The following VPS37A variants were observed in gnomAD, a reference collection of about 807,000 sequenced individuals.
VPS37A encodes the protein VPS37A subunit of ESCRT-I.
A neutral mutation model predicts 49.8 loss-of-function variants in VPS37A; 30 were observed. The ratio of observed to expected loss-of-function variants is 0.60; its 90% CI spans 0.45 to 0.82. The LOEUF is 0.82. Among genes scored for constraint, VPS37A ranks in the 40% least tolerant of loss-of-function variants. The pLI, the probability that VPS37A is intolerant of heterozygous loss-of-function variation, is 0.00. For missense variants in VPS37A, 593 were observed against 464.4 expected (o/e 1.28, Z -2.55); for synonymous variants, 195 against 160.6 (o/e 1.21, Z -1.62).
At chr8:17,331,932 T>C in the VPS37A span, among the ~76,000 whole-genome samples, 1 of 152,210 alleles carries the variant, frequency 6.6e-6, no homozygotes, top group African/African-American at 2.4e-5. Context: ...ATTTTGCATA[T>C]GAGAAGTTGG....
chr8:17,302,709 C>CT (rs1817201231), downstream of VPS37A, among the ~76,000 whole-genome samples: 1 of 61,454 alleles, frequency 1.6e-5, no homozygotes, highest in Non-Finnish European at 5.2e-5. Context: ...AATAACCCCC[C>CT]CCCCCCCGCT....
chr8:17,287,305 C>G (rs1490941495), intron 11 of VPS37A, among the ~76,000 whole-genome samples: 1 of 152,060 alleles, frequency 6.6e-6, no homozygotes, highest in Non-Finnish European at 1.5e-5. Context: ...ACTCAGTGAC[C>G]AAAACAGCTC....
intron 9 of VPS37A, among the ~76,000 whole-genome samples, chr8:17,281,412 T>C (rs1286834487): frequency 1.3e-5 from 2 of 152,050 alleles, no homozygotes. Context: ...GTTAGATATA[T>C]ACTGGACCTT....
chr8:17,300,809 ACTT>A (rs2150456853), downstream of VPS37A, among the ~76,000 whole-genome samples: 1 of 152,296 alleles, frequency 6.6e-6, no homozygotes, highest in South Asian at 2.1e-4. Context: ...CTACTGATCA[ACTT>A]CTATCTCTAT....
chr8:17,247,662 C>G (rs1465055934), intron 1 of VPS37A: 1 of 703,814 alleles, frequency 1.4e-6, no homozygotes. Context: ...TAGTCTATTT[C>G]CAGTATCCCT....
chr8:17,285,924 G>T (rs1311628138), intron 10 of VPS37A, among the ~76,000 whole-genome samples: 3 of 151,928 alleles, frequency 2.0e-5, no homozygotes, highest in Non-Finnish European at 4.4e-5. Flanking sequence ...TGTTTTTTTG[G>T]TTGTTAAATT....
At chr8:17,323,693 C>A in the VPS37A span, among the ~76,000 whole-genome samples, 1 of 152,116 alleles carries the variant, frequency 6.6e-6, no homozygotes. Flanking sequence ...GAGAAAGCTT[C>A]CAGGACCAAC....
the VPS37A span, chr8:17,313,154 T>C: frequency 1.8e-6 from 1 of 552,462 alleles, no homozygotes; most frequent in Non-Finnish European, 3.2e-6. Flanking sequence ...GCGCACAGAC[T>C]ACGGAGCTCT....
chr8:17,322,800 G>C, the VPS37A span, among the ~76,000 whole-genome samples: 2 of 151,374 alleles, frequency 1.3e-5, no homozygotes, highest in South Asian at 4.2e-4. Context: ...ACTTCAGCCT[G>C]GACAACACAG....
chr8:17,327,291 C>G, the VPS37A span, among the ~76,000 whole-genome samples: 1 of 152,114 alleles, frequency 6.6e-6, no homozygotes, highest in Non-Finnish European at 1.5e-5. Context: ...ATTTTTGAGA[C>G]AGAGCCTAAC....
the VPS37A span, among the ~76,000 whole-genome samples, chr8:17,309,046 C>G: frequency 6.6e-6 from 1 of 152,218 alleles, no homozygotes; most frequent in Non-Finnish European, 1.5e-5. Flanking sequence ...CAAGCATTCT[C>G]TGTCTCTTCT....
intron 11 of VPS37A, among the ~76,000 whole-genome samples, chr8:17,288,888 CCTAA>C (rs772795585): frequency 1.0e-3 from 156 of 152,274 alleles, no homozygotes; most frequent in Admixed American, 2.5e-3. Flanking sequence ...TCTGTTGTTT[CCTAA>C]CTTTTTAATA....
At chr8:17,289,610 G>A (rs952032939) in intron 11 of VPS37A, among the ~76,000 whole-genome samples, 2 of 152,142 alleles carry the variant, frequency 1.3e-5, no homozygotes, top group Non-Finnish European at 2.9e-5. Flanking sequence ...TAGTCTTGTA[G>A]TATAGTTTGA....
the VPS37A span, among the ~76,000 whole-genome samples, chr8:17,314,921 T>C: frequency 1.3e-5 from 2 of 152,220 alleles, no homozygotes; most frequent in Middle Eastern, 3.4e-3. Context: ...AGGAAGACAC[T>C]ATGTGTCTGA....
At chr8:17,252,172 T>TTTTA (rs1585914143) in intron 1 of VPS37A, among the ~76,000 whole-genome samples, 1 of 152,148 alleles carries the variant, frequency 6.6e-6, no homozygotes, top group African/African-American at 2.4e-5. Flanking sequence ...CAGGTTTCCT[T>TTTTA]TTTATTTATT....
At chr8:17,300,211 A>AT (rs765833649), downstream of VPS37A, 6 of 1,602,088 alleles carry the variant, frequency 3.7e-6, no homozygotes. Flanking sequence ...GACCTTTTGA[A>AT]TTTTTTCCAG....
At chr8:17,247,838 A>C in intron 1 of VPS37A, 2 of 692,268 alleles carry the variant, frequency 2.9e-6, no homozygotes, top group East Asian at 5.4e-5. Flanking sequence ...TTCATCAGTG[A>C]ATGCTTCTCG....
At chr8:17,275,498 C>A (rs74350966) in intron 5 of VPS37A, among the ~76,000 whole-genome samples, 1 of 152,078 alleles carries the variant, frequency 6.6e-6, no homozygotes, top group Non-Finnish European at 1.5e-5. Flanking sequence ...TATAGTAGAT[C>A]TCTCTGGCTG....
intron 11 of VPS37A, among the ~76,000 whole-genome samples, chr8:17,288,715 T>C (rs1815856354): frequency 6.6e-6 from 1 of 152,238 alleles, no homozygotes. Context: ...GAGTGGTTTA[T>C]AATACTTTGG....
Sources: gnomAD v4.1 joint callset for allele counts (sites outside exome capture counted in the v4.1 genomes callset) on GRCh38, gnomAD v4.1.1 for gene constraint, MANE v1.5 for transcripts, NCBI Gene and HGNC (gene_info 2026-07-23, HGNC 2026-07-21) for gene names.